The following KCTD13 variants were observed in gnomAD, a reference collection of about 807,000 sequenced individuals.
The protein encoded by KCTD13 is BTB/POZ domain-containing adapter for CUL3-mediated RhoA degradation protein 1.
KCTD13 carries 15 observed loss-of-function variants against 32.3 expected under a neutral mutation model. The observed-to-expected ratio is 0.46, with a 90% CI of 0.31 to 0.71. The LOEUF (loss-of-function observed/expected upper bound fraction) is 0.71, where lower values mean the gene tolerates loss of function less well. Among genes scored for constraint, KCTD13 ranks in the 30% least tolerant of loss-of-function variants. The pLI is 0.05. For synonymous variants in KCTD13, 189 were observed against 200.1 expected (o/e 0.94, Z 0.47); for missense variants, 337 against 452.6 (o/e 0.74, Z 2.32).
chr16:29,918,572 A>G (rs143193385), intron 2 of KCTD13, among the ~76,000 whole-genome samples: 2,659 of 152,060 alleles, frequency 0.017, 45 homozygotes, highest in Non-Finnish European at 0.028. Context: ...CCAGGTTCAT[A>G]TAATTCTTCT....
intron 2 of KCTD13, among the ~76,000 whole-genome samples, chr16:29,918,323 A>C (rs2068845087): frequency 6.6e-6 from 1 of 152,248 alleles, no homozygotes; most frequent in Non-Finnish European, 1.5e-5. Context: ...CCCTAGATCC[A>C]GGGGCCAATT....
chr16:29,913,666 G>A (rs1185023370), intron 2 of KCTD13: 1 of 152,238 alleles, frequency 6.6e-6, no homozygotes, highest in Non-Finnish European at 1.5e-5. Flanking sequence ...GATGCACTCT[G>A]AGAAAGCTTG....
chr16:29,925,421 G>C, intron 1 of KCTD13: 1 of 305,934 alleles, frequency 3.3e-6, no homozygotes, highest in Non-Finnish European at 6.3e-6. Flanking sequence ...AGAAACTGAG[G>C]AAGGCTGCCA....
intron 1 of KCTD13, 139 bp downstream of exon 1, chr16:29,925,651 G>A: frequency 1.3e-6 from 1 of 778,880 alleles, no homozygotes; most frequent in Non-Finnish European, 2.1e-6. Context: ...GGGATGTGGG[G>A]GCTGGAGGGA....
chr16:29,912,076 C>A, intron 2 of KCTD13, 27 bp from the exon 3 acceptor site: 2 of 1,520,000 alleles, frequency 1.3e-6, no homozygotes, highest in African/African-American at 1.4e-5. Flanking sequence ...AGGTGGTTAA[C>A]AGCACAACCA....
At position 29,912,021 on chromosome 16, in the gene KCTD13, C is replaced by T; in HGVS notation, c.443G>A (p.Cys148Tyr). The T allele has an allele frequency of 6.2e-7, 1 of 1,610,940 alleles. No individual in the cohort carries two copies. Among genetic ancestry groups the T allele is most frequent in the Non-Finnish European group, 8.5e-7 (1 of 1,178,756 alleles). ...QQKRETLSPL[C>Y]LIPMVTSPRE... The stretch of plus-strand genomic sequence containing the variant: ...GGGAGATGTCACCATGGGGATGAGG[C>T]ACAGCGGGGACAGCGTCTCCCTTTT... The change falls in exon 3 of 6, where the codon TGC (cysteine) becomes TAC (tyrosine). Residue 148 changes from cysteine (C) to tyrosine (Y), a missense_variant. By Grantham distance (194) the Cys-to-Tyr change is radical. Transcript: ENST00000568000.
Position 29,925,854 on chromosome 16 carries a change from C to T in KCTD13, c.180G>A (p.Thr60=), listed in dbSNP as rs937252868. 4 of 1,613,922 alleles carry T rather than the reference C, an allele frequency of 2.5e-6. No homozygotes were observed. In the African/African-American group the frequency reaches 4.0e-5, roughly 16 times the overall value. Residue 60 remains threonine (T), a synonymous_variant, in exon 1 of 6, where the codon ACG becomes ACA. Transcript: ENST00000568000. ...TGGCTTTGAGCATGGTGTCCTGTCC[C>T]GTGAGGGTGCGCAGCGTGGTGTAGT... is the stretch of plus-strand genomic sequence containing the variant. The part of the protein sequence containing the change: ...SLHYTTLRTL[T]GQDTMLKAMF...
chr16:29,922,564 C>A (rs542837845), intron 2 of KCTD13: 5 of 154,950 alleles, frequency 3.2e-5, no homozygotes, highest in African/African-American at 1.2e-4. Flanking sequence ...ACCCTTATGT[C>A]CTGGCTTCAC....
intron 2 of KCTD13, among the ~76,000 whole-genome samples, chr16:29,912,744 A>G (rs1224796080): frequency 6.6e-6 from 1 of 152,202 alleles, no homozygotes; most frequent in African/African-American, 2.4e-5. Context: ...CAGGCCTATC[A>G]GTTCATTTTC....
At chr16:29,910,226 C>T (rs536766232) in intron 5 of KCTD13, among the ~76,000 whole-genome samples, 34 of 151,250 alleles carry the variant, frequency 2.2e-4, no homozygotes, top group African/African-American at 6.1e-4. Context: ...GGTGAAACCC[C>T]GTTTCTACTA....
At position 29,906,629 on chromosome 16, in the gene KCTD13, G is replaced by A; in HGVS notation, c.*243C>T. On this transcript the variant is annotated 3_prime_UTR_variant, in exon 6 of 6. Transcript: ENST00000568000. ...CCAGCTGGAGAGGGAAGGACGCAGGGCCAGGGTGGGGACAAGTGTTGGCTT... is the reference window on the plus strand; with the variant it reads ...CCAGCTGGAGAGGGAAGGACGCAGGACCAGGGTGGGGACAAGTGTTGGCTT... The A allele has an allele frequency of 4.5e-6, 3 of 667,286 alleles. No homozygotes were observed. The highest frequency in any genetic ancestry group is 8.3e-6 in the Non-Finnish European group (3 of 361,314). 41.3% of individuals were successfully genotyped at this position (667,286 alleles called of 1,614,324 possible).
At position 29,911,077 on chromosome 16, in the gene KCTD13, C is replaced by T; in HGVS notation, c.654G>A (p.Gly218=). 6.2e-7 allele frequency: 1 copy of T among 1,614,176 alleles called. No homozygotes were observed. Residue 218 remains glycine (G), a synonymous_variant, in exon 5 of 6, where the codon GGG becomes GGA. Transcript: ENST00000568000. ...AGAAAGACCAGCAGCAGATCTCGTC[C>T]CCCAGGACATCCTTGAGGAAGAGTA... is the stretch of plus-strand genomic sequence containing the variant. ...GRLLFLKDVL[G]DEICCWSFYG...
rs953071261 is a variant in KCTD13 at position 29,908,332 on chromosome 16, T to C, written c.754-1224A>G. ...GACTGGGGTGTTCCCTTGTGTGGCC[T>C]TGGAAGCATCTAACACAGCTCTTAG... On this transcript the variant is annotated intron_variant, in intron 5 of 5. Transcript: ENST00000568000. 4.6e-5 allele frequency among the ~76,000 whole-genome samples: 7 copies of C among 152,174 alleles called. 1 individual carries two copies. The highest frequency in any genetic ancestry group is 4.6e-4 in the Admixed American group (7 of 15,268).
Position 29,907,011 on chromosome 16 carries a change from C to A in KCTD13, c.851G>T (p.Gly284Val), listed in dbSNP as rs762459459. 1.1e-5 allele frequency: 17 copies of A among 1,614,070 alleles called. No homozygotes were observed. Among genetic ancestry groups the A allele is most frequent in the African/African-American group, 2.7e-5 (2 of 74,928 alleles). ...GPDPALLEAT[G>V]GAAGAGGAGR... is the part of the protein sequence containing the mutation. ...AGCCCCACCAGCTCCAGCTGCTCCCCCTGTGGCCTCCAGGAGGGCTGGGTC... is the reference window on the plus strand; with the variant it reads ...AGCCCCACCAGCTCCAGCTGCTCCCACTGTGGCCTCCAGGAGGGCTGGGTC... The change falls in exon 6 of 6, where the codon GGG becomes GTG. Residue 284 changes from glycine to valine, a missense_variant. Physicochemically the swap from Gly to Val is moderately radical, Grantham distance 109. Coordinates refer to ENST00000568000, the MANE Select transcript of KCTD13 (RefSeq NM_178863.5).
intron 2 of KCTD13, among the ~76,000 whole-genome samples, chr16:29,918,510 G>C (rs2068849290): frequency 6.6e-6 from 1 of 151,938 alleles, no homozygotes; most frequent in African/African-American, 2.4e-5. Flanking sequence ...TTGCTCTGTT[G>C]ACCAGGCTGG....
In KCTD13 at chr16:29,925,991, A is replaced by T. The variant is rs966563277; in HGVS notation, c.43T>A (p.Ser15Thr). The T allele has an allele frequency of 6.3e-7, 1 of 1,598,726 alleles. No homozygotes were observed. Among genetic ancestry groups the T allele is most frequent in the Non-Finnish European group, 8.5e-7 (1 of 1,172,756 alleles). The change falls in exon 1 of 6, where the codon TCC becomes ACC. Residue 15 changes from serine to threonine, a missense_variant. Ser to Thr is a moderately conservative substitution (Grantham distance 58). Around this residue, in one of 3 missense-constraint regions of KCTD13, gnomAD observed 64 missense variants for 59.6 expected, o/e 1.07. Coordinates refer to ENST00000568000, the MANE Select transcript of KCTD13 (RefSeq NM_178863.5). ...CCCGAGGGCTTGGGGGCTTCCAGGG[A>T]CGGGGCCGCGGCGGCAGCCGGGCCC... ...ASGPAAAAAP[S>T]LEAPKPSGLE...
chr16:29,922,729 A>G (rs12932403), intron 2 of KCTD13: 143,728 of 321,676 alleles, frequency 0.45, 33,997 homozygotes, highest in Non-Finnish European at 0.52. Flanking sequence ...AAAAAAAAAA[A>G]GAATTAGAAA....
intron 2 of KCTD13, chr16:29,919,619 G>A (rs914914984): frequency 9.2e-5 from 14 of 152,116 alleles, no homozygotes; most frequent in African/African-American, 1.7e-4. Flanking sequence ...TGGAGAAACC[G>A]GAGTATGCCC....
rs1238568428 is a variant in KCTD13, at chr16:29,911,887, G to A, written c.505-20C>T. ...CACGGGCTGGCGGGGGAGAGAGGAT[G>A]GACGAGAGGGGTGAGGCTGCAGGGA... On this transcript the variant is annotated intron_variant, in intron 3 of 5. Transcript: ENST00000568000. The A allele has an allele frequency of 6.2e-7, 1 of 1,611,442 alleles. No individual in the cohort carries two copies. Among genetic ancestry groups the A allele is most frequent in the Admixed American group, 1.7e-5 (1 of 59,612 alleles).
Sources: allele counts gnomAD v4.1 joint callset (sites outside exome capture counted in the v4.1 genomes callset), GRCh38; gene constraint gnomAD v4.1.1; regional missense constraint gnomAD v4.1.1; transcripts MANE v1.5; gene names NCBI Gene and HGNC (gene_info 2026-07-23, HGNC 2026-07-21).